FRMD4A: variants seen among roughly 807,000 people sequenced by gnomAD.
FRMD4A encodes the protein FERM domain-containing protein 4A.
FRMD4A carries 29 observed loss-of-function variants against 129.1 expected under a neutral mutation model. That is an observed-to-expected ratio of 0.22 (90% CI 0.17 to 0.31). The LOEUF is 0.31. Ranked by LOEUF, FRMD4A falls within the 10% of genes least tolerant of loss-of-function variation. The pLI, the probability that FRMD4A is intolerant of heterozygous loss-of-function variation, is 1.00. For missense variants in FRMD4A, 1,272 were observed against 1,375.8 expected, an observed-to-expected ratio of 0.92 and a Z score of 1.19; for synonymous variants, 634 against 571.6, an observed-to-expected ratio of 1.11 and a Z score of -1.56.
rs750952078 is a variant in FRMD4A at position 13,654,528 on chromosome 10, G to A, written c.2954-16C>T. Reference sequence around the variant, plus strand: ...GGTAAGGCAGCTACATGCAGGTGGTGCAAGAAAGGCAGAGAGCAGACAGGG... The same window carrying A: ...GGTAAGGCAGCTACATGCAGGTGGTACAAGAAAGGCAGAGAGCAGACAGGG... On this transcript the variant is annotated splice_polypyrimidine_tract_variant and intron_variant, in intron 22 of 24. Transcript: ENST00000357447. 2 of 1,534,612 alleles carry A rather than the reference G, an allele frequency of 1.3e-6. No homozygotes were observed. The highest frequency in any genetic ancestry group is 1.8e-6 in the Non-Finnish European group (2 of 1,108,660).
At chr10:14,085,510 G>A (rs1836216931) in intron 2 of FRMD4A, among the ~76,000 whole-genome samples, 2 of 152,212 alleles carry the variant, frequency 1.3e-5, no homozygotes, top group South Asian at 4.1e-4. Context: ...TTGCAGGGAG[G>A]ACGCATTCTC....
intron 12 of FRMD4A, among the ~76,000 whole-genome samples, chr10:13,728,768 T>C (rs190415615): frequency 0.01 from 1,581 of 151,826 alleles, 35 homozygotes; most frequent in African/African-American, 0.035. Flanking sequence ...GACGGGGTTT[T>C]ATCACGTTGG....
chr10:13,912,597 C>T lies in FRMD4A; in HGVS notation c.46-53685G>A, dbSNP rs552704021. On this transcript the variant is annotated intron_variant, in intron 2 of 24. Transcript: ENST00000357447. ...AGGCTAGAGTGCAGTGGCGCGATCTCGGCTCACTGCAAGCTCCGCCTCCCG... is the reference window on the plus strand; with the variant it reads ...AGGCTAGAGTGCAGTGGCGCGATCTTGGCTCACTGCAAGCTCCGCCTCCCG... Among the ~76,000 whole-genome samples, 46 of 148,288 alleles carry T rather than the reference C, an allele frequency of 3.1e-4. No homozygotes were observed. In the East Asian group the frequency reaches 8.4e-3, roughly 27 times the overall value.
At chr10:13,814,691 GA>G (rs1026130961) in intron 3 of FRMD4A, among the ~76,000 whole-genome samples, 79 of 148,246 alleles carry the variant, frequency 5.3e-4, no homozygotes, top group African/African-American at 1.6e-3. Context: ...AAGAGAGAGA[GA>G]AAAAAAAGAG....
intron 2 of FRMD4A, among the ~76,000 whole-genome samples, chr10:14,153,016 T>G (rs1429870270): frequency 6.6e-6 from 1 of 152,156 alleles, no homozygotes; most frequent in Non-Finnish European, 1.5e-5. Context: ...GCCCCAGGCC[T>G]CGGCAGAGAC....
chr10:14,256,790 C>T (rs1844628861), intron 2 of FRMD4A, among the ~76,000 whole-genome samples: 1 of 151,846 alleles, frequency 6.6e-6, no homozygotes, highest in South Asian at 2.1e-4. Flanking sequence ...TGAGACCAGC[C>T]TGGGCCACAC....
chr10:13,999,882 A>T (rs1412348711), intron 2 of FRMD4A, among the ~76,000 whole-genome samples: 2 of 152,250 alleles, frequency 1.3e-5, no homozygotes, highest in African/African-American at 4.8e-5. Context: ...GCACACTGCA[A>T]CCCTGGCCCT....
rs199497786 is a variant in FRMD4A, at chr10:13,676,742, G to A, written c.1118-1698C>T. ...ATTAAAGATGAGCAAGATCTCCACC[G>A]CGAAAACTGTCCTAAAGACCTAAAT... On this transcript the variant is annotated intron_variant, in intron 15 of 24. Transcript: ENST00000357447. 1.7e-4 allele frequency among the ~76,000 whole-genome samples: 26 copies of A among 152,218 alleles called. No homozygotes were observed. In the South Asian group the frequency reaches 2.3e-3, roughly 13 times the overall value.
chr10:13,785,724 A>C (rs2092838236), intron 5 of FRMD4A, among the ~76,000 whole-genome samples: 1 of 151,938 alleles, frequency 6.6e-6, no homozygotes, highest in African/African-American at 2.4e-5. Flanking sequence ...TGCACCTGTT[A>C]ACTCGTCATT....
chr10:13,808,228 C>A (rs540191744), intron 4 of FRMD4A, among the ~76,000 whole-genome samples: 20 of 152,300 alleles, frequency 1.3e-4, no homozygotes, highest in African/African-American at 4.8e-4. Flanking sequence ...AGGAAATAGA[C>A]AAATACATGT....
chr10:14,246,762 T>A (rs1230098560), intron 2 of FRMD4A, among the ~76,000 whole-genome samples: 1 of 151,618 alleles, frequency 6.6e-6, no homozygotes, highest in Non-Finnish European at 1.5e-5. Context: ...GAAAGGGAGG[T>A]TAGGTCCCGC....
chr10:13,739,224 G>T (rs1337015630), intron 11 of FRMD4A, among the ~76,000 whole-genome samples: 2 of 152,218 alleles, frequency 1.3e-5, no homozygotes, highest in Non-Finnish European at 2.9e-5. Flanking sequence ...AAGCTTCTGG[G>T]TATATGATTT....
chr10:14,090,799 A>G (rs539113429), intron 2 of FRMD4A, among the ~76,000 whole-genome samples: 1 of 152,214 alleles, frequency 6.6e-6, no homozygotes, highest in Non-Finnish European at 1.5e-5. Flanking sequence ...AGAGAAGTAC[A>G]CAAATGAAGT....
At chr10:14,033,426 C>G (rs187108415) in intron 2 of FRMD4A, among the ~76,000 whole-genome samples, 279 of 152,212 alleles carry the variant, frequency 1.8e-3, no homozygotes, top group African/African-American at 6.4e-3. Flanking sequence ...AAATATTGAG[C>G]ATTGTACCCA....
chr10:14,183,270 T>C (rs10906623), intron 2 of FRMD4A, among the ~76,000 whole-genome samples: 75,639 of 152,102 alleles, frequency 0.5, 20,273 homozygotes, highest in African/African-American at 0.72. Context: ...GTTCACTTTA[T>C]ATCATTAGTG....
intron 2 of FRMD4A, among the ~76,000 whole-genome samples, chr10:13,863,778 TA>T (rs1295866736): frequency 4.6e-5 from 7 of 151,384 alleles, no homozygotes; most frequent in Non-Finnish European, 1.0e-4. Flanking sequence ...AAAAAAAGTG[TA>T]AAAAAGAAAC....
At chr10:14,120,867 T>A (rs568413767) in intron 2 of FRMD4A, among the ~76,000 whole-genome samples, 1 of 152,242 alleles carries the variant, frequency 6.6e-6, no homozygotes, top group Non-Finnish European at 1.5e-5. Flanking sequence ...TCCTGGCTGA[T>A]GTCCCTTCAC....
At chr10:13,862,884 T>C (rs2094312853) in intron 2 of FRMD4A, among the ~76,000 whole-genome samples, 1 of 152,228 alleles carries the variant, frequency 6.6e-6, no homozygotes, top group Non-Finnish European at 1.5e-5. Flanking sequence ...AAGTTTTCTT[T>C]TCAATACTAA....
intron 3 of FRMD4A, among the ~76,000 whole-genome samples, chr10:13,836,723 AG>A (rs1198742575): frequency 6.8e-6 from 1 of 147,654 alleles, no homozygotes; most frequent in African/African-American, 2.5e-5. Flanking sequence ...CTGACTAACC[AG>A]GGGTCTTCAC....
Sources: gnomAD v4.1 joint callset for allele counts (sites outside exome capture counted in the v4.1 genomes callset) on GRCh38, gnomAD v4.1.1 for gene constraint, MANE v1.5 for transcripts, NCBI Gene and HGNC (gene_info 2026-07-23, HGNC 2026-07-21) for gene names.